Variants in RNF130 observed in about 807,000 individuals in gnomAD.
The protein encoded by RNF130 is ring finger protein 130.
A neutral mutation model predicts 44.6 loss-of-function variants in RNF130; 21 were observed. That is an observed-to-expected ratio of 0.47 (90% CI 0.33 to 0.68). The LOEUF (loss-of-function observed/expected upper bound fraction) is 0.68. Among genes scored for constraint, RNF130 ranks in the 30% least tolerant of loss-of-function variants. The pLI is 0.02. For missense variants in RNF130, 479 were observed against 560.6 expected, an observed-to-expected ratio of 0.85 and a Z score of 1.47; for synonymous variants, 214 against 210.4, an observed-to-expected ratio of 1.02 and a Z score of -0.15.
At chr5:179,957,930 T>C (rs1344952262) in intron 8 of RNF130, among the ~76,000 whole-genome samples, 1 of 150,846 alleles carries the variant, frequency 6.6e-6, no homozygotes, top group Non-Finnish European at 1.5e-5. Flanking sequence ...CAGGCTGGAG[T>C]GCAGTGGCGG....
chr5:180,000,549 A>G (rs911837471), intron 3 of RNF130, among the ~76,000 whole-genome samples: 2 of 152,146 alleles, frequency 1.3e-5, no homozygotes, highest in African/African-American at 2.4e-5. Flanking sequence ...CTAATGTTCC[A>G]TAAGTTTTGT....
chr5:180,065,991 G>A (rs1004681920), intron 1 of RNF130, among the ~76,000 whole-genome samples: 4 of 152,034 alleles, frequency 2.6e-5, no homozygotes, highest in Admixed American at 1.3e-4. Context: ...CAATCAAAAA[G>A]GTAATATCAC....
At chr5:180,064,104 A>G (rs773856851) in intron 1 of RNF130, among the ~76,000 whole-genome samples, 2 of 152,184 alleles carry the variant, frequency 1.3e-5, no homozygotes, top group Non-Finnish European at 2.9e-5. Flanking sequence ...ATTATAATAA[A>G]TTATTTTATG....
chr5:180,013,042 T>G lies in RNF130; in HGVS notation c.693+19A>C. 1 of 1,604,976 alleles carries G rather than the reference T, an allele frequency of 6.2e-7. No individual in the cohort carries two copies. The highest frequency in any genetic ancestry group is 1.1e-5 in the South Asian group (1 of 90,304). ...ACTCTGGCTGTTACGAACCAATCAC[T>G]GTTGAGTACTGAGCTCACCTGGTTC... is the stretch of plus-strand genomic sequence containing the variant. On this transcript the variant is annotated intron_variant, in intron 3 of 8. Coordinates refer to ENST00000521389, the MANE Select transcript of RNF130 (RefSeq NM_018434.6).
intron 1 of RNF130, among the ~76,000 whole-genome samples, chr5:180,060,060 T>C (rs1209845501): frequency 2.0e-5 from 3 of 152,072 alleles, no homozygotes; most frequent in African/African-American, 7.2e-5. Flanking sequence ...GACTTGAAGA[T>C]GGGGGAAGGG....
At chr5:180,003,107 C>T (rs1476954109) in intron 3 of RNF130, among the ~76,000 whole-genome samples, 1 of 151,978 alleles carries the variant, frequency 6.6e-6, no homozygotes, top group Non-Finnish European at 1.5e-5. Flanking sequence ...ATTTCAGAGA[C>T]AAGAAGGGCC....
chr5:180,024,210 AT>A (rs1389969449), intron 2 of RNF130, among the ~76,000 whole-genome samples: 2 of 152,338 alleles, frequency 1.3e-5, no homozygotes, highest in African/African-American at 4.8e-5. Context: ...TGATGACTAA[AT>A]GTAATGTGGT....
chr5:180,055,248 C>CAAAAA (rs1205914690), intron 1 of RNF130, among the ~76,000 whole-genome samples: 14 of 20,970 alleles, frequency 6.7e-4, no homozygotes, highest in East Asian at 3.7e-3. Context: ...GGTTCTGTCT[C>CAAAAA]AAAAAAAAAA....
downstream of RNF130, among the ~76,000 whole-genome samples, chr5:179,951,389 G>T (rs868701519): frequency 4.1e-3 from 595 of 146,908 alleles, 6 homozygotes; most frequent in African/African-American, 0.013. Flanking sequence ...ATAGGTTTTT[G>T]TTTTTTTTTT....
intron 3 of RNF130, among the ~76,000 whole-genome samples, chr5:179,992,704 ATTATTTT>A (rs1763113586): frequency 1.3e-5 from 2 of 151,860 alleles, no homozygotes; most frequent in African/African-American, 4.8e-5. Context: ...TTGAAGTGGG[ATTATTTT>A]TTATTTTTTA....
Position 179,977,145 on chromosome 5 carries a change from C to T in RNF130, c.848+1058G>A, listed in dbSNP as rs1762730686. On this transcript the variant is annotated intron_variant, in intron 5 of 8. Transcript: ENST00000521389. This position sits in a 1 kb window ranked among gnomAD's most constrained non-coding sequence, Gnocchi z 4.1. ...TGGAACCTGCTATCGGCTCACCATC[C>T]TTCACTGTACAACGGGGAAAACACA... is the stretch of plus-strand genomic sequence containing the variant. 6.6e-6 allele frequency: 1 copy of T among 152,290 alleles called. No homozygotes were observed. Among genetic ancestry groups the T allele is most frequent in the Admixed American group, 6.5e-5 (1 of 15,282 alleles). The allele number at this position is 152,290 out of a possible 1,614,324, so 9.4% of individuals were successfully genotyped here. A position where few individuals can be genotyped will look rare whatever the true frequency, so the allele number is the denominator to read the frequency against.
At chr5:179,990,163 G>A (rs1763047281) in intron 3 of RNF130, among the ~76,000 whole-genome samples, 1 of 152,164 alleles carries the variant, frequency 6.6e-6, no homozygotes, top group Non-Finnish European at 1.5e-5. Context: ...GAGACCAGTA[G>A]TGGCCCCGAA....
chr5:179,992,430 C>T (rs1763106054), intron 3 of RNF130, among the ~76,000 whole-genome samples: 2 of 152,240 alleles, frequency 1.3e-5, no homozygotes, highest in African/African-American at 4.8e-5. Context: ...GCGTGAGCCA[C>T]CACGCCCGGC....
At position 180,005,148 on chromosome 5, in the gene RNF130, C is replaced by T. The variant is rs115400403; in HGVS notation, c.693+7913G>A. Among the ~76,000 whole-genome samples, 1,225 of 152,290 alleles carry T rather than the reference C, an allele frequency of 8.0e-3. 17 individuals are homozygous for T. Among genetic ancestry groups the T allele is most frequent in the African/African-American group, 0.028 (1,182 of 41,564 alleles). On this transcript the variant is annotated intron_variant, in intron 3 of 8. Coordinates refer to ENST00000521389, the MANE Select transcript of RNF130 (RefSeq NM_018434.6). ...CACTGCTAAAAAACCGTACTGATGG[C>T]CCGGCGTGGTGGCTCGTGCCTGTAA...
exon 8 of RNF130, chr5:179,920,090 C>T: frequency 2.2e-6 from 1 of 452,780 alleles, no homozygotes; most frequent in South Asian, 4.4e-5. Flanking sequence ...CTTCAATGAT[C>T]AGCTTGGGCG....
In RNF130 at chr5:179,963,583, G is replaced by A. The variant is rs1038305646; in HGVS notation, c.1151-19C>T. 8 of 1,559,116 alleles carry A rather than the reference G, an allele frequency of 5.1e-6. No homozygotes were observed. Among genetic ancestry groups the A allele is most frequent in the African/African-American group, 1.4e-5 (1 of 73,794 alleles). ...CATTCTTCTGTTGACAAAGGAAAGG[G>A]AGGAAATCACTCTGGGGAGAAGGTT... On this transcript the variant is annotated intron_variant, in intron 7 of 8. Coordinates refer to ENST00000521389, the MANE Select transcript of RNF130 (RefSeq NM_018434.6).
intron 7 of RNF130, among the ~76,000 whole-genome samples, chr5:179,935,648 A>G (rs974507749): frequency 9.2e-5 from 14 of 152,018 alleles, no homozygotes; most frequent in African/African-American, 3.4e-4. Flanking sequence ...CGCTGGTCCT[A>G]TAGTCCTCTC....
chr5:180,054,106 G>A (rs182866909), intron 1 of RNF130, among the ~76,000 whole-genome samples: 5 of 151,972 alleles, frequency 3.3e-5, no homozygotes, highest in Admixed American at 6.5e-5. Flanking sequence ...GAGCCCCTGC[G>A]CCCGGCCAGC....
At chr5:179,994,393 A>G (rs1354378651) in intron 3 of RNF130, among the ~76,000 whole-genome samples, 2 of 152,176 alleles carry the variant, frequency 1.3e-5, no homozygotes, top group Non-Finnish European at 2.9e-5. Context: ...TTCGTTGAGC[A>G]GTGGTTTGTA....
Sources: gnomAD v4.1 joint callset for allele counts (sites outside exome capture counted in the v4.1 genomes callset) on GRCh38, gnomAD v4.1.1 for gene constraint, Gnocchi (gnomAD v3.1) non-coding constraint, MANE v1.5 for transcripts, NCBI Gene and HGNC (gene_info 2026-07-23, HGNC 2026-07-21) for gene names.